C16orf96: variants seen among roughly 807,000 people sequenced by gnomAD.
C16orf96 encodes uncharacterized protein C16orf96.
A neutral mutation model predicts 103.6 loss-of-function variants in C16orf96; 108 were observed. The ratio of observed to expected loss-of-function variants is 1.04; its 90% CI spans 0.89 to 1.22. C16orf96 has a LOEUF of 1.22. Ranked by LOEUF, C16orf96 falls within the 50% of genes most tolerant of loss-of-function variation. C16orf96 has a pLI of 0.00. For missense variants in C16orf96, 1,586 were observed against 1,464.2 expected (o/e 1.08, Z -1.36); for synonymous variants, 566 against 593.5 (o/e 0.95, Z 0.67).
At chr16:4,599,971 C>G (rs1897249402) in intron 15 of C16orf96, 129 bp from the exon 16 acceptor site, 1 of 952,330 alleles carries the variant, frequency 1.1e-6, no homozygotes, top group Admixed American at 2.6e-5. Context: ...TGGTGCCCAG[C>G]CGGCCATGGC....
rs539171946 is a variant in C16orf96, at chr16:4,580,041, C to A, written c.2268C>A (p.Gly756=). 28 of 1,551,216 alleles carry A rather than the reference C, an allele frequency of 1.8e-5. No homozygotes were observed. In the South Asian group the frequency reaches 2.7e-4, roughly 15 times the overall value. The change falls in exon 7 of 16, where the codon GGC becomes GGA. Residue 756 remains glycine (G), a synonymous_variant. Coordinates refer to ENST00000444310, the MANE Select transcript of C16orf96 (RefSeq NM_001145011.2). ...AGGAAGAACTTGAGAGAATTTGGGG[C>A]AACCAAATAGAGATGATGAAGGATC... is the stretch of plus-strand genomic sequence containing the variant. ...LKEEELERIW[G]NQIEMMKDRY... is the part of the protein sequence containing the mutation.
Position 4,575,785 on chromosome 16 carries a change from T to C in C16orf96, c.1305T>C (p.Pro435=), listed in dbSNP as rs2059497920. ...CCACTGAGTTTGGCTCATTGTGGCC[T>C]CGACCACTCCAGCCATATCAGTCTC... ...PPATEFGSLW[P]RPLQPYQSRQ... The change falls in exon 5 of 16, where the codon CCT becomes CCC. Residue 435 remains proline, a synonymous_variant. Coordinates refer to ENST00000444310, the MANE Select transcript of C16orf96 (RefSeq NM_001145011.2). 1.3e-6 allele frequency: 2 copies of C among 1,550,444 alleles called. No individual in the cohort carries two copies. The highest frequency in any genetic ancestry group is 1.7e-6 in the Non-Finnish European group (2 of 1,146,916).
chr16:4,575,519 G>T lies in C16orf96; in HGVS notation c.1039G>T (p.Val347Leu). Residue 347 changes from valine (V) to leucine (L), a missense_variant, in exon 5 of 16, where the codon GTG (valine) becomes TTG (leucine). Val to Leu is a conservative substitution (Grantham distance 32, BLOSUM62 1). Transcript: ENST00000444310. ...GLELGLELEP[V>L]PALGPVPGPS... ...GGAGCTGGGGCTGGAGCTGGAGCCT[G>T]TGCCTGCCCTGGGGCCTGTCCCAGG... The T allele has an allele frequency of 6.5e-7, 1 of 1,546,504 alleles. No homozygotes were observed.
rs1271938737 is a variant in C16orf96, at chr16:4,575,753, C to T, written c.1273C>T (p.Pro425Ser). Residue 425 changes from proline to serine, a missense_variant, in exon 5 of 16, where the codon CCA becomes TCA. Coordinates refer to ENST00000444310, the MANE Select transcript of C16orf96 (RefSeq NM_001145011.2). ...PTQPQPSRAPPPATEFGSLWP... is the reference protein window; with the variant it reads ...PTQPQPSRAPSPATEFGSLWP... Reference sequence around the variant, plus strand: ...TCAGCCCCAACCCTCCAGGGCCCCACCACCAGCCACTGAGTTTGGCTCATT... The same window carrying T: ...TCAGCCCCAACCCTCCAGGGCCCCATCACCAGCCACTGAGTTTGGCTCATT... 5 of 1,547,328 alleles carry T rather than the reference C, an allele frequency of 3.2e-6. No individual in the cohort carries two copies. The South Asian group carries it at 3.6e-5, about 11-fold the overall frequency.
In C16orf96 at chr16:4,558,376, G is replaced by C. The variant is rs180878428; in HGVS notation, c.420+1467G>C. The stretch of plus-strand genomic sequence containing the variant: ...CACACCTATAATCCCAACACTGGGA[G>C]GCCAAGGCGGGATGATCACTTGAGC... On this transcript the variant is annotated intron_variant, in intron 1 of 15. Transcript: ENST00000444310. 3.9e-5 allele frequency among the ~76,000 whole-genome samples: 6 copies of C among 152,314 alleles called. No homozygotes were observed. The East Asian group carries it at 1.2e-3, about 29-fold the overall frequency.
chr16:4,597,753 TGCCATGTTG>T (rs1463892175), intron 14 of C16orf96, among the ~76,000 whole-genome samples: 2 of 152,090 alleles, frequency 1.3e-5, no homozygotes, highest in Non-Finnish European at 2.9e-5. Flanking sequence ...GATGGGGTTT[TGCCATGTTG>T]GCCAGGCTGG....
chr16:4,592,942 TGGG>T (rs1897092340), intron 11 of C16orf96, among the ~76,000 whole-genome samples: 1 of 152,232 alleles, frequency 6.6e-6, no homozygotes, highest in Non-Finnish European at 1.5e-5. Context: ...CCCAAAGTGC[TGGG>T]ATCATAGGTG....
upstream of C16orf96, among the ~76,000 whole-genome samples, chr16:4,552,061 C>G (rs1475199631): frequency 2.0e-5 from 3 of 152,164 alleles, no homozygotes; most frequent in East Asian, 5.8e-4. Flanking sequence ...TAGTTTACAG[C>G]TTCATCCACG....
chr16:4,546,423 G>C, the C16orf96 span, among the ~76,000 whole-genome samples: 1 of 149,066 alleles, frequency 6.7e-6, no homozygotes, highest in South Asian at 2.1e-4. Context: ...CTCCCAGAGT[G>C]CTGCGATTAC....
chr16:4,543,402 T>C, the C16orf96 span, among the ~76,000 whole-genome samples: 1 of 152,216 alleles, frequency 6.6e-6, no homozygotes, highest in Non-Finnish European at 1.5e-5. Context: ...ATTTAGACTG[T>C]ATCCTATTGG....
chr16:4,600,419 C>T lies in C16orf96; in HGVS notation c.*102C>T, dbSNP rs1285265640. 1.2e-6 allele frequency: 1 copy of T among 838,112 alleles called. No individual in the cohort carries two copies. Among genetic ancestry groups the T allele is most frequent in the Non-Finnish European group, 1.9e-6 (1 of 533,234 alleles). 51.9% of individuals were successfully genotyped at this position (838,112 alleles called of 1,614,324 possible). A position where few individuals can be genotyped will look rare whatever the true frequency, so the allele number is the denominator to read the frequency against. ...CACCAAGTCCCCTCCACATCGGAGG[C>T]TGAGGCCTATGTGGCCCCCCACCCC... On this transcript the variant is annotated 3_prime_UTR_variant, in exon 16 of 16. Coordinates refer to ENST00000444310, the MANE Select transcript of C16orf96 (RefSeq NM_001145011.2).
intron 7 of C16orf96, among the ~76,000 whole-genome samples, chr16:4,584,763 A>T (rs1896878941): frequency 6.6e-6 from 1 of 151,796 alleles, no homozygotes; most frequent in African/African-American, 2.4e-5. Flanking sequence ...TGAACTCCTG[A>T]CCTCAGGTGA....
intron 1 of C16orf96, among the ~76,000 whole-genome samples, chr16:4,562,638 A>G (rs560692794): frequency 6.6e-6 from 1 of 152,306 alleles, no homozygotes; most frequent in South Asian, 2.1e-4. Context: ...GTTGACAATT[A>G]GCTTCATTCA....
chr16:4,552,481 CAAAAA>C (rs58618088), upstream of C16orf96, among the ~76,000 whole-genome samples: 1 of 67,880 alleles, frequency 1.5e-5, no homozygotes, highest in Non-Finnish European at 3.5e-5. Context: ...GACTCTGTCT[CAAAAA>C]AAAAAAAAAA....
chr16:4,553,718 G>T (rs756620065), upstream of C16orf96, among the ~76,000 whole-genome samples: 3 of 152,058 alleles, frequency 2.0e-5, no homozygotes, highest in South Asian at 2.1e-4. Context: ...CAAGCAACCC[G>T]CCCACTTTGG....
chr16:4,576,312 C>A lies in C16orf96; in HGVS notation c.1832C>A (p.Thr611Lys), dbSNP rs759379003. 6.4e-7 allele frequency: 1 copy of A among 1,550,788 alleles called. No individual in the cohort carries two copies. The highest frequency in any genetic ancestry group is 1.2e-5 in the South Asian group (1 of 84,068). ...AAAATGGCCGCCATTGCAACAGACA[C>A]GGCTGCAGCTGGGCCCCTAGGGGTC... ...ATKMAAIATD[T>K]AAAGPLGVFA... Residue 611 changes from threonine (T) to lysine (K), a missense_variant, in exon 5 of 16, where the codon ACG becomes AAG. By Grantham distance (78) the Thr-to-Lys change is moderately conservative (BLOSUM62 -1). Coordinates refer to ENST00000444310, the MANE Select transcript of C16orf96 (RefSeq NM_001145011.2).
chr16:4,584,813 C>T (rs1896880915), intron 7 of C16orf96, among the ~76,000 whole-genome samples: 1 of 152,016 alleles, frequency 6.6e-6, no homozygotes, highest in Admixed American at 6.6e-5. Flanking sequence ...GGATTACAGG[C>T]GTGAGCCACC....
chr16:4,596,211 GCACGGTGGCT>G (rs1897168102), intron 14 of C16orf96, among the ~76,000 whole-genome samples: 1 of 152,124 alleles, frequency 6.6e-6, no homozygotes, highest in Non-Finnish European at 1.5e-5. Context: ...CATTGGCCGG[GCACGGTGGCT>G]CACGCCTGTA....
At chr16:4,599,984 G>A in intron 15 of C16orf96, 116 bp from the exon 16 acceptor site, 2 of 1,091,396 alleles carry the variant, frequency 1.8e-6, no homozygotes, top group Non-Finnish European at 2.6e-6. Flanking sequence ...GCCATGGCCT[G>A]TACAGCACTT....
Sources: allele counts gnomAD v4.1 joint callset (sites outside exome capture counted in the v4.1 genomes callset), GRCh38; gene constraint gnomAD v4.1.1; transcripts MANE v1.5; gene names NCBI Gene and HGNC (gene_info 2026-07-23, HGNC 2026-07-21).